The following ZNF600 variants were observed in gnomAD, a reference collection of about 807,000 sequenced individuals.
ZNF600 encodes the protein zinc finger protein 600.
A neutral mutation model predicts 7.3 loss-of-function variants in ZNF600; 4 were observed. The observed-to-expected ratio is 0.55, with a 90% CI of 0.27 to 1.25. The LOEUF is 1.25. ZNF600 is among the 50% of genes most tolerant of loss of function. The pLI is 0.12. For missense variants in ZNF600, 911 were observed against 922.1 expected, an observed-to-expected ratio of 0.99 and a Z score of 0.16; for synonymous variants, 290 against 308.9, an observed-to-expected ratio of 0.94 and a Z score of 0.64.
chr19:52,810,716 G>C, the ZNF600 span: 1 of 762,596 alleles, frequency 1.3e-6, no homozygotes, highest in African/African-American at 1.8e-5. Flanking sequence ...TAAAAAAAAT[G>C]TGTATTAGGA....
chr19:52,786,646 G>T lies in ZNF600; in HGVS notation c.-71C>A. ...AAGGGAAGACAGGCGAGAATTTCCAGGTCCGTGGGGATCCCACGTCCCAGG... is the reference window on the plus strand; with the variant it reads ...AAGGGAAGACAGGCGAGAATTTCCATGTCCGTGGGGATCCCACGTCCCAGG... On this transcript the variant is annotated 5_prime_UTR_variant, in exon 1 of 4. In the 5' UTR this introduces an upstream ATG that the reference lacks. Coordinates refer to ENST00000648973, the Ensembl canonical transcript of ZNF600. 1 of 213,864 alleles carries T rather than the reference G, an allele frequency of 4.7e-6. No homozygotes were observed. The highest frequency in any genetic ancestry group is 5.0e-5 in the South Asian group (1 of 20,030). The allele number at this position is 213,864 out of a possible 1,614,324, so 13.2% of individuals were successfully genotyped here.
upstream of ZNF600, among the ~76,000 whole-genome samples, chr19:52,787,302 G>C (rs2062772896): frequency 6.6e-6 from 1 of 152,286 alleles, no homozygotes; most frequent in East Asian, 1.9e-4. Context: ...AAGCAGCGGC[G>C]GGAGAATCCC....
At chr19:52,798,289 A>G in the ZNF600 span, 5 of 209,892 alleles carry the variant, frequency 2.4e-5, no homozygotes, top group South Asian at 3.5e-4. Context: ...CGTGAGCCAC[A>G]GTGCCCAGCC....
chr19:52,800,462 A>G, the ZNF600 span: 1 of 1,613,642 alleles, frequency 6.2e-7, no homozygotes, highest in Non-Finnish European at 8.5e-7. Flanking sequence ...TCTCTGCAGT[A>G]TGAAGTCTAT....
chr19:52,810,372 G>A, the ZNF600 span: 1 of 1,605,024 alleles, frequency 6.2e-7, no homozygotes, highest in South Asian at 1.1e-5. Context: ...TCACTTTCAT[G>A]GCTGTGGTTC....
chr19:52,783,128 G>A (rs1442545442), intron 1 of ZNF600, among the ~76,000 whole-genome samples: 1 of 150,950 alleles, frequency 6.6e-6, no homozygotes, highest in Non-Finnish European at 1.5e-5. Flanking sequence ...CTGAAGAGGG[G>A]TTGCAGAGGG....
the ZNF600 span, among the ~76,000 whole-genome samples, chr19:52,811,082 C>T: frequency 1.3e-5 from 2 of 149,162 alleles, no homozygotes; most frequent in African/African-American, 2.5e-5. Flanking sequence ...TTGGTGGAGA[C>T]GGGGTTTCGC....
intron 2 of ZNF600, among the ~76,000 whole-genome samples, chr19:52,775,202 T>G (rs1230788130): frequency 2.0e-5 from 3 of 151,774 alleles, no homozygotes; most frequent in African/African-American, 7.3e-5. Flanking sequence ...ATCGCACCAC[T>G]GCACTCCATC....
At chr19:52,806,059 T>C in the ZNF600 span, 3 of 152,184 alleles carry the variant, frequency 2.0e-5, no homozygotes, top group Admixed American at 2.0e-4. Context: ...CTAAACTTTT[T>C]TCATATTTAA....
At chr19:52,772,661 T>C (rs1050751403) in intron 3 of ZNF600, among the ~76,000 whole-genome samples, 4 of 152,010 alleles carry the variant, frequency 2.6e-5, no homozygotes, top group African/African-American at 9.7e-5. Context: ...ACATTATTTC[T>C]CAAATAACAA....
At chr19:52,827,399 G>T in the ZNF600 span, among the ~76,000 whole-genome samples, 1 of 151,994 alleles carries the variant, frequency 6.6e-6, no homozygotes, top group Admixed American at 6.6e-5. Flanking sequence ...CTGGGATCCA[G>T]TCCACAAAGA....
At chr19:52,792,889 C>T in the ZNF600 span, among the ~76,000 whole-genome samples, 5 of 151,756 alleles carry the variant, frequency 3.3e-5, no homozygotes, top group African/African-American at 7.3e-5. Flanking sequence ...CCCACCGCCA[C>T]GCCCAACTAA....
the ZNF600 span, chr19:52,807,983 A>G: frequency 6.2e-7 from 1 of 1,612,554 alleles, no homozygotes; most frequent in Non-Finnish European, 8.5e-7. Context: ...ACACAAGGGC[A>G]CATCCCCAGG....
chr19:52,776,376 C>T (rs1284467095), intron 2 of ZNF600, among the ~76,000 whole-genome samples: 2 of 151,816 alleles, frequency 1.3e-5, no homozygotes, highest in Non-Finnish European at 2.9e-5. Flanking sequence ...GCTGAATGGA[C>T]ACACACAGGC....
intron 2 of ZNF600, among the ~76,000 whole-genome samples, chr19:52,778,021 T>G (rs2062690462): frequency 7.5e-6 from 1 of 132,686 alleles, no homozygotes; most frequent in South Asian, 3.1e-4. Context: ...CCTCTCTCTC[T>G]CTTTTCTTTT....
At chr19:52,813,091 T>C in the ZNF600 span, among the ~76,000 whole-genome samples, 1 of 152,010 alleles carries the variant, frequency 6.6e-6, no homozygotes, top group Non-Finnish European at 1.5e-5. Flanking sequence ...GTTGTGGTAA[T>C]CTTGGTTAAT....
At chr19:52,801,508 T>C in the ZNF600 span, 1 of 1,614,132 alleles carries the variant, frequency 6.2e-7, no homozygotes, top group Non-Finnish European at 8.5e-7. Flanking sequence ...ATTTCTGTCA[T>C]GGGTGCTGCA....
the ZNF600 span, among the ~76,000 whole-genome samples, chr19:52,796,493 A>G: frequency 6.6e-6 from 1 of 151,568 alleles, no homozygotes; most frequent in Non-Finnish European, 1.5e-5. Flanking sequence ...GGGAGGAGGA[A>G]TAGTCACTTA....
chr19:52,787,933 A>G (rs2062779519), upstream of ZNF600, among the ~76,000 whole-genome samples: 1 of 152,078 alleles, frequency 6.6e-6, no homozygotes, highest in African/African-American at 2.4e-5. Flanking sequence ...AATTTACCAG[A>G]TACCAGTACA....
Sources: allele counts gnomAD v4.1 joint callset (sites outside exome capture counted in the v4.1 genomes callset), GRCh38; gene constraint gnomAD v4.1.1; transcripts MANE v1.5; gene names NCBI Gene and HGNC (gene_info 2026-07-23, HGNC 2026-07-21).